Variants in NBEA observed in about 807,000 individuals in gnomAD.
NBEA encodes the protein neurobeachin, also known as lysosomal-trafficking regulator 2.
Under a neutral mutation model 343.4 loss-of-function variants are expected in NBEA, and 44 were observed. That is an observed-to-expected ratio of 0.13 (90% CI 0.10 to 0.16). The LOEUF is 0.16. Among genes scored for constraint, NBEA ranks in the 10% least tolerant of loss-of-function variants. The pLI is 1.00. For synonymous variants in NBEA, 1,175 were observed against 1,238.7 expected, an observed-to-expected ratio of 0.95 and a Z score of 1.08; for missense variants, 2,555 against 3,631.3, an observed-to-expected ratio of 0.70 and a Z score of 7.62.
At chr13:35,218,543 A>G (rs188564184) in intron 33 of NBEA, among the ~76,000 whole-genome samples, 1 of 152,142 alleles carries the variant, frequency 6.6e-6, no homozygotes. Flanking sequence ...GCAATTTATT[A>G]TAGTCATGGT....
intron 41 of NBEA, among the ~76,000 whole-genome samples, chr13:35,497,419 A>T (rs1344062501): frequency 6.6e-6 from 1 of 152,158 alleles, no homozygotes; most frequent in African/African-American, 2.4e-5. Flanking sequence ...CTCTCAGAAC[A>T]TAAATTACAC....
intron 49 of NBEA, among the ~76,000 whole-genome samples, chr13:35,634,080 C>G (rs2083590288): frequency 6.6e-6 from 1 of 152,162 alleles, no homozygotes; most frequent in Non-Finnish European, 1.5e-5. Context: ...CGCTGTGGCT[C>G]ATGCCTGTAA....
intron 38 of NBEA, among the ~76,000 whole-genome samples, chr13:35,358,481 C>G (rs781384798): frequency 6.6e-6 from 1 of 151,832 alleles, no homozygotes; most frequent in African/African-American, 2.4e-5. Flanking sequence ...CTTTGGGAGG[C>G]TGAGGTGGGC....
At chr13:34,943,231 G>T (rs989743011) in intron 1 of NBEA, 117 bp downstream of exon 1, 66 of 1,370,410 alleles carry the variant, frequency 4.8e-5, no homozygotes, top group Non-Finnish European at 6.4e-5. Context: ...CCCTGGGAGC[G>T]CAGAGCGTTC....
intron 38 of NBEA, among the ~76,000 whole-genome samples, chr13:35,400,938 G>A (rs568090969): frequency 9.1e-4 from 138 of 151,330 alleles, no homozygotes; most frequent in Non-Finnish European, 1.1e-3. Context: ...TGCTTTCCTC[G>A]TCCACATGGC....
chr13:35,023,873 G>A (rs142520328), intron 1 of NBEA, among the ~76,000 whole-genome samples: 85 of 152,168 alleles, frequency 5.6e-4, no homozygotes, highest in African/African-American at 1.5e-3. Flanking sequence ...GGTTTGTTAC[G>A]TGGGTAAATT....
intron 1 of NBEA, among the ~76,000 whole-genome samples, chr13:34,995,786 G>T (rs2060919979): frequency 6.6e-6 from 1 of 152,204 alleles, no homozygotes; most frequent in South Asian, 2.1e-4. Context: ...AGTTTGGTCT[G>T]TTGGGCTCAG....
intron 55 of NBEA, among the ~76,000 whole-genome samples, 161 bp from the exon 56 acceptor site, chr13:35,664,924 A>C (rs2085278091): frequency 6.6e-6 from 1 of 152,260 alleles, no homozygotes; most frequent in African/African-American, 2.4e-5. Context: ...CGCATTTCAC[A>C]AAAGAGGAGA....
chr13:35,045,127 A>G (rs981774105), intron 3 of NBEA, 80 bp downstream of exon 3: 19 of 1,278,184 alleles, frequency 1.5e-5, no homozygotes, highest in South Asian at 8.4e-5. Context: ...CTAGAGAGCT[A>G]TATACTTGAA....
intron 1 of NBEA, among the ~76,000 whole-genome samples, chr13:34,978,971 T>C (rs1468775786): frequency 6.6e-6 from 1 of 152,190 alleles, no homozygotes; most frequent in Non-Finnish European, 1.5e-5. Context: ...TCCTTTTGGG[T>C]AAATACCTAA....
chr13:35,177,675 T>C (rs1328036351), intron 28 of NBEA, among the ~76,000 whole-genome samples: 1 of 151,802 alleles, frequency 6.6e-6, no homozygotes, highest in Non-Finnish European at 1.5e-5. Flanking sequence ...AAGATTGGCC[T>C]TTTCAAAAAT....
chr13:35,023,997 G>T (rs1389470975), intron 1 of NBEA, among the ~76,000 whole-genome samples: 1 of 152,080 alleles, frequency 6.6e-6, no homozygotes, highest in African/African-American at 2.4e-5. Flanking sequence ...TCTCAGGTAG[G>T]CCCTGGTGTC....
chr13:35,381,539 G>T (rs970413979), intron 38 of NBEA, among the ~76,000 whole-genome samples: 1 of 151,998 alleles, frequency 6.6e-6, no homozygotes. Context: ...GGATGAAACC[G>T]CCAGGCTTCT....
intron 48 of NBEA, among the ~76,000 whole-genome samples, chr13:35,624,484 G>A (rs540771084): frequency 1.3e-5 from 2 of 152,132 alleles, no homozygotes; most frequent in African/African-American, 4.8e-5. Context: ...CCTAGTGTCA[G>A]TGTTCACAAA....
chr13:35,022,729 C>T (rs1206193637), intron 1 of NBEA, among the ~76,000 whole-genome samples: 1 of 152,044 alleles, frequency 6.6e-6, no homozygotes, highest in Non-Finnish European at 1.5e-5. Context: ...AATTCTGATG[C>T]TAACACTAGC....
intron 45 of NBEA, among the ~76,000 whole-genome samples, chr13:35,582,559 TG>T (rs1483690198): frequency 6.6e-6 from 1 of 152,188 alleles, no homozygotes; most frequent in Non-Finnish European, 1.5e-5. Context: ...TGTCATACTT[TG>T]TTTTACAAAA....
chr13:35,253,725 A>G (rs1370466806), intron 34 of NBEA, among the ~76,000 whole-genome samples: 1 of 152,106 alleles, frequency 6.6e-6, no homozygotes, highest in Non-Finnish European at 1.5e-5. Flanking sequence ...GGGAGAGTTG[A>G]TTGGTTTCAG....
chr13:35,423,489 G>T (rs1019164975), intron 38 of NBEA, among the ~76,000 whole-genome samples: 8 of 152,070 alleles, frequency 5.3e-5, no homozygotes, highest in African/African-American at 1.9e-4. Context: ...TGAGGGCTCT[G>T]TTCTGTTCCA....
intron 41 of NBEA, among the ~76,000 whole-genome samples, chr13:35,527,179 A>C (rs1314773856): frequency 2.6e-5 from 4 of 152,254 alleles, no homozygotes; most frequent in Middle Eastern, 3.4e-3. Context: ...TGGCTGAGTC[A>C]GGTTATTTTA....
Sources: gnomAD v4.1 joint callset for allele counts (sites outside exome capture counted in the v4.1 genomes callset) on GRCh38, gnomAD v4.1.1 for gene constraint, MANE v1.5 for transcripts, NCBI Gene and HGNC (gene_info 2026-07-23, HGNC 2026-07-21) for gene names.